DENND2B: variants seen among roughly 807,000 people sequenced by gnomAD.
The protein encoded by DENND2B is DENN domain containing 2B, also known as DENN domain-containing protein 2B.
DENND2B carries 32 observed loss-of-function variants against 116.0 expected under a neutral mutation model. The ratio of observed to expected loss-of-function variants is 0.28; its 90% CI spans 0.21 to 0.37. The LOEUF is 0.37. DENND2B is among the 10% of genes least tolerant of loss of function. The pLI is 1.00. For missense variants in DENND2B, 1,276 were observed against 1,477.7 expected, an observed-to-expected ratio of 0.86 and a Z score of 2.24; for synonymous variants, 588 against 583.9, an observed-to-expected ratio of 1.01 and a Z score of -0.10.
intron 1 of DENND2B, among the ~76,000 whole-genome samples, chr11:8,787,782 C>G (rs1317468850): frequency 1.3e-5 from 2 of 152,224 alleles, no homozygotes; most frequent in African/African-American, 4.8e-5. Flanking sequence ...TGATCATTCT[C>G]AAAGAATTAT....
chr11:8,780,978 G>A (rs1376827518), intron 1 of DENND2B, among the ~76,000 whole-genome samples: 1 of 152,152 alleles, frequency 6.6e-6, no homozygotes, highest in African/African-American at 2.4e-5. Flanking sequence ...CTTGGGAGGG[G>A]ACAGCGAAGG....
rs372061154 is a variant in DENND2B, at chr11:8,715,681, T to A, written c.1767A>T (p.Ser589=). 6 of 1,613,862 alleles carry A rather than the reference T, an allele frequency of 3.7e-6. No homozygotes were observed. Among genetic ancestry groups the A allele is most frequent in the Non-Finnish European group, 5.1e-6 (6 of 1,180,016 alleles). Residue 589 remains serine (S), a synonymous_variant, in exon 6 of 20, where the codon TCA becomes TCT. Transcript: ENST00000313726. ...LLLAQLSLPS[S]PSSLNEDSLS... ...GGCTGTCTTCATTGAGGCTGGAGGGTGAGGACGGCAGACTCAGCTGAGCCA... is the reference window on the plus strand; with the variant it reads ...GGCTGTCTTCATTGAGGCTGGAGGGAGAGGACGGCAGACTCAGCTGAGCCA...
At chr11:8,725,970 A>T (rs1224282568) in intron 4 of DENND2B, 103 bp downstream of exon 4, 4 of 1,553,184 alleles carry the variant, frequency 2.6e-6, no homozygotes, top group Non-Finnish European at 3.5e-6. Flanking sequence ...AGGTGGGACC[A>T]TGCCTGCCCA....
At chr11:8,869,428 C>G (rs924107276) in intron 2 of DENND2B, among the ~76,000 whole-genome samples, 2 of 152,102 alleles carry the variant, frequency 1.3e-5, no homozygotes, top group African/African-American at 4.8e-5. Context: ...TTTGGGAGGC[C>G]CAGGCGGGTG....
intron 3 of DENND2B, among the ~76,000 whole-genome samples, chr11:8,840,848 G>A (rs1412587603): frequency 2.0e-5 from 3 of 150,866 alleles, no homozygotes; most frequent in African/African-American, 7.3e-5. Flanking sequence ...GGAACTGAAA[G>A]CCTAAGAACT....
chr11:8,795,920 C>A (rs1284232811), intron 1 of DENND2B, among the ~76,000 whole-genome samples: 1 of 152,202 alleles, frequency 6.6e-6, no homozygotes, highest in Admixed American at 6.5e-5. Context: ...GAACAACACC[C>A]TGTAAAGGAA....
intron 1 of DENND2B, among the ~76,000 whole-genome samples, chr11:8,910,388 T>A (rs1208770540): frequency 6.6e-6 from 1 of 151,636 alleles, no homozygotes; most frequent in African/African-American, 2.4e-5. Flanking sequence ...GCACTTGCCT[T>A]ATTCCCCATG....
intron 2 of DENND2B, among the ~76,000 whole-genome samples, chr11:8,859,803 T>C (rs2063333729): frequency 6.6e-6 from 1 of 152,190 alleles, no homozygotes; most frequent in Non-Finnish European, 1.5e-5. Flanking sequence ...ACAGGCATGC[T>C]GACCAAAGAA....
In DENND2B at chr11:8,703,574, C is replaced by G. The variant is rs953500869; in HGVS notation, c.2572-854G>C. The G allele has an allele frequency of 2.6e-5, 4 of 152,608 alleles. No individual in the cohort carries two copies. The East Asian group carries it at 7.7e-4, about 29-fold the overall frequency. 9.5% of individuals were successfully genotyped at this position (152,608 alleles called of 1,614,324 possible). On this transcript the variant is annotated intron_variant, in intron 13 of 19. Coordinates refer to ENST00000313726, the MANE Select transcript of DENND2B (RefSeq NM_213618.2). ...CCTGGCCTCCTCCTTGGTCCCGCAG[C>G]ATGTGTGTGCAGCATAGATGTGCAG...
rs2061939852 is a variant in DENND2B at position 8,825,391 on chromosome 11, TTGTTTAAG to T, written c.-115+13911_-115+13918del. ...AATGGGTTTTTTTTTTCTTGTAAAT[TTGTTTAAG>T]TTACTTATAGATGCTGGATACTGGA... On this transcript the variant is annotated intron_variant, in intron 4 of 6. Transcript: ENST00000524757. Among the ~76,000 whole-genome samples, 5 of 152,276 alleles carry T rather than the reference TTGTTTAAG, an allele frequency of 3.3e-5. No individual in the cohort carries two copies. The South Asian group carries it at 1.0e-3, about 32-fold the overall frequency.
chr11:8,872,546 A>T (rs925920842), upstream of DENND2B, among the ~76,000 whole-genome samples: 7 of 152,066 alleles, frequency 4.6e-5, no homozygotes, highest in Admixed American at 4.6e-4. Flanking sequence ...CTTGGTCAAG[A>T]TCGAACACAA....
intron 2 of DENND2B, among the ~76,000 whole-genome samples, chr11:8,732,383 G>A (rs952273983): frequency 6.6e-6 from 1 of 152,212 alleles, no homozygotes; most frequent in African/African-American, 2.4e-5. Context: ...TCACTCAGCT[G>A]GTAAGTGAAA....
At chr11:8,850,678 T>C (rs565490613) in intron 3 of DENND2B, among the ~76,000 whole-genome samples, 1 of 152,332 alleles carries the variant, frequency 6.6e-6, no homozygotes, top group South Asian at 2.1e-4. Context: ...ACTGAGCATA[T>C]ATCCAAAGGA....
chr11:8,721,598 C>T, intron 4 of DENND2B, among the ~76,000 whole-genome samples: 1 of 152,224 alleles, frequency 6.6e-6, no homozygotes, highest in African/African-American at 2.4e-5. Flanking sequence ...AAGAGCCCAA[C>T]TCCCTGGCAA....
intron 1 of DENND2B, among the ~76,000 whole-genome samples, chr11:8,788,191 G>T (rs1258474216): frequency 6.6e-6 from 1 of 152,146 alleles, no homozygotes; most frequent in Non-Finnish European, 1.5e-5. Flanking sequence ...ATGCAACACA[G>T]ATCTTCACAA....
chr11:8,838,031 A>G (rs532433140), intron 4 of DENND2B, among the ~76,000 whole-genome samples: 1 of 152,376 alleles, frequency 6.6e-6, no homozygotes, highest in East Asian at 1.9e-4. Flanking sequence ...AGGCATGGAC[A>G]GGCAGTTATC....
intron 3 of DENND2B, among the ~76,000 whole-genome samples, chr11:8,848,956 T>C (rs80136921): frequency 0.06 from 9,136 of 152,100 alleles, 405 homozygotes; most frequent in East Asian, 0.16. Flanking sequence ...CCATGATTTC[T>C]ATGGGTGGCT....
intron 8 of DENND2B, among the ~76,000 whole-genome samples, chr11:8,713,619 A>G (rs908600864): frequency 6.6e-6 from 1 of 152,140 alleles, no homozygotes; most frequent in African/African-American, 2.4e-5. Flanking sequence ...TGACCTCGTG[A>G]TCTGCCCGCC....
chr11:8,699,219 C>T lies in DENND2B; in HGVS notation c.2892G>A (p.Val964=). Residue 964 remains valine (V), a synonymous_variant, in exon 15 of 20, where the codon GTG becomes GTA. Coordinates refer to ENST00000313726, the MANE Select transcript of DENND2B (RefSeq NM_213618.2). ...SSLPKLKELP[V]EEALMVNLGS... Reference sequence around the variant, plus strand: ...GGTTCCCCCGGTGGCCCACCTCCTCCACAGGCAGCTCCTTCAGTTTGGGGA... The same window carrying T: ...GGTTCCCCCGGTGGCCCACCTCCTCTACAGGCAGCTCCTTCAGTTTGGGGA... The T allele has an allele frequency of 1.3e-6, 2 of 1,563,640 alleles. No individual in the cohort carries two copies. Among genetic ancestry groups the T allele is most frequent in the Non-Finnish European group, 1.7e-6 (2 of 1,159,994 alleles).
Sources: gnomAD v4.1 joint callset for allele counts (sites outside exome capture counted in the v4.1 genomes callset) on GRCh38, gnomAD v4.1.1 for gene constraint, MANE v1.5 for transcripts, NCBI Gene and HGNC (gene_info 2026-07-23, HGNC 2026-07-21) for gene names.